SURF4: variants seen among roughly 807,000 people sequenced by gnomAD.
The protein encoded by SURF4 is surfeit locus protein 4.
A neutral mutation model predicts 30.0 loss-of-function variants in SURF4; 3 were observed. The observed-to-expected ratio is 0.10, with a 90% CI of 0.05 to 0.26. The LOEUF is 0.26. Among genes scored for constraint, SURF4 ranks in the 10% least tolerant of loss-of-function variants. The pLI is 1.00. For missense variants in SURF4, 217 were observed against 350.8 expected (o/e 0.62, Z 3.05); for synonymous variants, 143 against 139.9 (o/e 1.02, Z -0.16).
chr9:133,377,764 G>A (rs1838029200), upstream of SURF4, among the ~76,000 whole-genome samples: 1 of 152,130 alleles, frequency 6.6e-6, no homozygotes, highest in Non-Finnish European at 1.5e-5. Flanking sequence ...GGATGGTTTT[G>A]GGATGATTCA....
At chr9:133,374,318 T>C (rs1179038) in intron 1 of SURF4, among the ~76,000 whole-genome samples, 82,758 of 151,728 alleles carry the variant, frequency 0.55, 23,135 homozygotes, top group African/African-American at 0.65. Flanking sequence ...TTTGGGAGGC[T>C]GAGGTGGGCA....
At chr9:133,373,097 T>C (rs2119172025) in intron 1 of SURF4, among the ~76,000 whole-genome samples, 1 of 152,354 alleles carries the variant, frequency 6.6e-6, no homozygotes, top group South Asian at 2.1e-4. Context: ...GCTAGTGCTC[T>C]TCCCTTGACT....
chr9:133,377,769 G>T (rs952212383), upstream of SURF4, among the ~76,000 whole-genome samples: 1 of 152,150 alleles, frequency 6.6e-6, no homozygotes, highest in African/African-American at 2.4e-5. Context: ...GTTTTGGGAT[G>T]ATTCAAGCAC....
In SURF4 at chr9:133,362,159, G is replaced by A. The variant is rs2130071163; in HGVS notation, c.*1334C>T. The A allele has an allele frequency of 6.6e-6, 1 of 152,330 alleles. No homozygotes were observed. Among genetic ancestry groups the A allele is most frequent in the East Asian group, 1.9e-4 (1 of 5,166 alleles). 9.4% of individuals were successfully genotyped at this position (152,330 alleles called of 1,614,324 possible). ...AGAGCCAATGGATGAGAGGCCAAGAGGGAGGCAGGCTCGGGGCTGGGCCGC... is the reference window on the plus strand; with the variant it reads ...AGAGCCAATGGATGAGAGGCCAAGAAGGAGGCAGGCTCGGGGCTGGGCCGC... On this transcript the variant is annotated 3_prime_UTR_variant, in exon 6 of 6. Transcript: ENST00000371989.
At chr9:133,366,276 C>T (rs1224576451) in intron 3 of SURF4, among the ~76,000 whole-genome samples, 1 of 152,188 alleles carries the variant, frequency 6.6e-6, no homozygotes, top group African/African-American at 2.4e-5. Context: ...ATTCTGTTCC[C>T]AGCATTTCAT....
At chr9:133,371,169 A>T in intron 1 of SURF4, 1 of 982,168 alleles carries the variant, frequency 1.0e-6, no homozygotes, top group Non-Finnish European at 1.2e-6. Context: ...TGAGGAAAGC[A>T]GCTTGCAAAT....
Position 133,373,909 on chromosome 9 carries a change from C to CAAAA in SURF4, c.48+2009_48+2012dup, listed in dbSNP as rs2130215856. Among the ~76,000 whole-genome samples, 394 of 47,514 alleles carry CAAAA rather than the reference C, an allele frequency of 8.3e-3. 29 individuals are homozygous for CAAAA. Among genetic ancestry groups the CAAAA allele is most frequent in the Non-Finnish European group, 0.015 (315 of 20,612 alleles). 31.2% of individuals were successfully genotyped at this position (47,514 alleles called of 152,430 possible). On this transcript the variant is annotated intron_variant, in intron 1 of 5. Coordinates refer to ENST00000371989, the MANE Select transcript of SURF4 (RefSeq NM_033161.4). ...CTCCAGCCTGAGCGAAATTCTGTCT[C>CAAAA]AAAAAAAAAAAAAAAAAAAAAAAAA...
In SURF4 at chr9:133,375,332, T is replaced by A. The variant is rs2130235166; in HGVS notation, c.48+590A>T. 3.4e-3 allele frequency: 3,386 copies of A among 982,882 alleles called. 13 individuals carry two copies. Among genetic ancestry groups the A allele is most frequent in the Non-Finnish European group, 3.8e-3 (3,165 of 829,660 alleles). The allele number at this position is 982,882 out of a possible 1,614,324, so 60.9% of individuals were successfully genotyped here. A position where few individuals can be genotyped will look rare whatever the true frequency, so the allele number is the denominator to read the frequency against. On this transcript the variant is annotated intron_variant, in intron 1 of 5. Transcript: ENST00000371989. The stretch of plus-strand genomic sequence containing the variant: ...CCACTCAATCCAGCCCAGGGCAGAG[T>A]CCAAACGGGGAGGGAGACGCAGACA...
Position 133,375,216 on chromosome 9 carries a change from T to C in SURF4, c.48+706A>G, listed in dbSNP as rs1204215878. The C allele has an allele frequency of 6.1e-6, 6 of 985,458 alleles. No homozygotes were observed. The Middle Eastern group carries it at 2.1e-3, about 343-fold the overall frequency. The allele number at this position is 985,458 out of a possible 1,614,324, so 61.0% of individuals were successfully genotyped here. A position where few individuals can be genotyped will look rare whatever the true frequency, so the allele number is the denominator to read the frequency against. On this transcript the variant is annotated intron_variant, in intron 1 of 5. Transcript: ENST00000371989. ...TTACCCAACCGCCTGTTTCAAAGGC[T>C]TCCCTGTTGCTCAGAATGCCACCTG...
Position 133,371,011 on chromosome 9 carries a change from C to T in SURF4, c.49-3566G>A, listed in dbSNP as rs150044014. 343 of 1,282,760 alleles carry T rather than the reference C, an allele frequency of 2.7e-4. 4 individuals carry two copies. The African/African-American group carries it at 4.2e-3, about 16-fold the overall frequency. 79.5% of individuals were successfully genotyped at this position (1,282,760 alleles called of 1,614,324 possible). A position where few individuals can be genotyped will look rare whatever the true frequency, so the allele number is the denominator to read the frequency against. ...CTCTCAAAGGGGTGGTTATTTTAGA[C>T]GACTGAAGGGGATTTTAGAAACGTA... On this transcript the variant is annotated intron_variant, in intron 1 of 5. Transcript: ENST00000371989.
Position 133,363,265 on chromosome 9 carries a change from G to A in SURF4, c.*228C>T, listed in dbSNP as rs1588703917. 1 of 752,240 alleles carries A rather than the reference G, an allele frequency of 1.3e-6. No individual in the cohort carries two copies. Among genetic ancestry groups the A allele is most frequent in the Non-Finnish European group, 2.3e-6 (1 of 438,218 alleles). 46.6% of individuals were successfully genotyped at this position (752,240 alleles called of 1,614,324 possible). On this transcript the variant is annotated 3_prime_UTR_variant, in exon 6 of 6. Transcript: ENST00000371989. The surrounding 1 kb of genome is among the most constrained non-coding windows in gnomAD (Gnocchi z 4.3). ...CTCGGCGTGGGGGAGGCTTCCAGCT[G>A]CCAGGCTGGCCTGCACTGAAGGGTC...
Position 133,366,629 on chromosome 9 carries a change from G to A in SURF4, c.282C>T (p.Cys94=), listed in dbSNP as rs1292757601. 1 of 1,613,878 alleles carries A rather than the reference G, an allele frequency of 6.2e-7. No individual in the cohort carries two copies. Among genetic ancestry groups the A allele is most frequent in the Non-Finnish European group, 8.5e-7 (1 of 1,180,028 alleles). ...VLSRNFVQYA[C]FGLFGIIALQ... is the part of the protein sequence containing the mutation. ...GAGCTATGATTCCAAAGAGCCCGAA[G>A]CAGGCGTACTGCACGAAGTTCCTGC... The change falls in exon 3 of 6, where the codon TGC becomes TGT. Residue 94 remains cysteine, a synonymous_variant. Coordinates refer to ENST00000371989, the MANE Select transcript of SURF4 (RefSeq NM_033161.4).
In SURF4 at chr9:133,362,344, A is replaced by G. The variant is rs1836863558; in HGVS notation, c.*1149T>C. The G allele has an allele frequency of 6.5e-6, 1 of 152,690 alleles. No homozygotes were observed. The highest frequency in any genetic ancestry group is 1.5e-5 in the Non-Finnish European group (1 of 68,054). The allele number at this position is 152,690 out of a possible 1,614,324, so 9.5% of individuals were successfully genotyped here. A position where few individuals can be genotyped will look rare whatever the true frequency, so the allele number is the denominator to read the frequency against. On this transcript the variant is annotated 3_prime_UTR_variant, in exon 6 of 6. Transcript: ENST00000371989. ...GAGAAACACAGTATAAGGCAGTGTTAGAAAACTTTAAATACAGGATTAAGA... is the reference window on the plus strand; with the variant it reads ...GAGAAACACAGTATAAGGCAGTGTTGGAAAACTTTAAATACAGGATTAAGA...
upstream of SURF4, chr9:133,376,119 A>G (rs937167067): frequency 8.3e-7 from 1 of 1,202,530 alleles, no homozygotes; most frequent in African/African-American, 1.6e-5. Flanking sequence ...CACGTAGGCC[A>G]AGCCTTAAAG....
At chr9:133,366,875 A>G (rs2130133794) in intron 2 of SURF4, among the ~76,000 whole-genome samples, 200 bp from the exon 3 acceptor site, 1 of 152,318 alleles carries the variant, frequency 6.6e-6, no homozygotes, top group African/African-American at 2.4e-5. Context: ...CAAACACCAG[A>G]AAGTGGAGCC....
Position 133,376,027 on chromosome 9 carries a change from G to C in SURF4, c.-58C>G. The C allele has an allele frequency of 1.6e-6, 2 of 1,213,748 alleles. No individual in the cohort carries two copies. Among genetic ancestry groups the C allele is most frequent in the Non-Finnish European group, 2.1e-6 (2 of 975,228 alleles). The allele number at this position is 1,213,748 out of a possible 1,614,324, so 75.2% of individuals were successfully genotyped here. A position where few individuals can be genotyped will look rare whatever the true frequency, so the allele number is the denominator to read the frequency against. On this transcript the variant is annotated 5_prime_UTR_variant, in exon 1 of 6. Coordinates refer to ENST00000371989, the MANE Select transcript of SURF4 (RefSeq NM_033161.4). The stretch of plus-strand genomic sequence containing the variant: ...GCTCGCTCGCTGGCTCTCGCCCGTC[G>C]GCGCCCGCACCCGCTGCGGCCTCCA...
intron 1 of SURF4, among the ~76,000 whole-genome samples, chr9:133,373,012 T>C (rs2130202198): frequency 6.6e-6 from 1 of 152,088 alleles, no homozygotes; most frequent in Non-Finnish European, 1.5e-5. Context: ...CAGCCTGCGC[T>C]GCCTTACAGA....
chr9:133,376,379 G>T (rs1488161396), upstream of SURF4: 7 of 1,415,822 alleles, frequency 4.9e-6, no homozygotes, highest in Non-Finnish European at 6.5e-6. Context: ...TGCCTCGAGG[G>T]CGCCGTTCGG....
intron 1 of SURF4, among the ~76,000 whole-genome samples, chr9:133,374,056 C>A (rs1015135108): frequency 2.0e-5 from 3 of 151,662 alleles, no homozygotes; most frequent in African/African-American, 7.3e-5. Context: ...TTATGAAATT[C>A]ACTTGCAAAT....
Sources: gnomAD v4.1 joint callset for allele counts (sites outside exome capture counted in the v4.1 genomes callset) on GRCh38, gnomAD v4.1.1 for gene constraint, Gnocchi (gnomAD v3.1) non-coding constraint, MANE v1.5 for transcripts, NCBI Gene and HGNC (gene_info 2026-07-23, HGNC 2026-07-21) for gene names.